CEMIP: variants seen among roughly 807,000 people sequenced by gnomAD.
CEMIP encodes the protein cell migration-inducing and hyaluronan-binding protein.
A neutral mutation model predicts 156.9 loss-of-function variants in CEMIP; 105 were observed. That is an observed-to-expected ratio of 0.67 (90% confidence interval 0.57 to 0.79). CEMIP has a LOEUF of 0.79. Ranked by LOEUF, CEMIP falls within the 30% of genes least tolerant of loss-of-function variation. The pLI, the probability that CEMIP is intolerant of heterozygous loss-of-function variation, is 0.00. For synonymous variants in CEMIP, 676 were observed against 668.4 expected, an observed-to-expected ratio of 1.01 and a Z score of -0.17; for missense variants, 1,457 against 1,769.4, an observed-to-expected ratio of 0.82 and a Z score of 3.17.
intron 1 of CEMIP, among the ~76,000 whole-genome samples, chr15:80,793,490 G>A (rs1334796139): frequency 6.6e-6 from 1 of 152,176 alleles, no homozygotes; most frequent in Admixed American, 6.5e-5. Flanking sequence ...CCACAGGTAG[G>A]GTTACCCACA....
chr15:80,828,237 C>A (rs149131904), intron 1 of CEMIP, among the ~76,000 whole-genome samples: 1 of 151,874 alleles, frequency 6.6e-6, no homozygotes, highest in Non-Finnish European at 1.5e-5. Flanking sequence ...AAAATTAGCC[C>A]GGTGTGGTGG....
chr15:80,898,437 A>G (rs1899321510), intron 12 of CEMIP, among the ~76,000 whole-genome samples: 1 of 152,230 alleles, frequency 6.6e-6, no homozygotes. Context: ...ATTAGGTGCA[A>G]TAATTTAGCA....
chr15:80,924,090 C>G (rs1900569734), intron 17 of CEMIP, among the ~76,000 whole-genome samples: 1 of 152,186 alleles, frequency 6.6e-6, no homozygotes, highest in African/African-American at 2.4e-5. Flanking sequence ...TGATTTCTCC[C>G]TATCCCATGG....
intron 7 of CEMIP, 39 bp from the exon 8 acceptor site, chr15:80,887,655 G>A: frequency 1.3e-6 from 2 of 1,525,744 alleles, no homozygotes; most frequent in Non-Finnish European, 1.8e-6. Context: ...ACAGACTCGT[G>A]CAGAACTTTA....
At chr15:80,862,152 T>A (rs926061281) in intron 1 of CEMIP, among the ~76,000 whole-genome samples, 2 of 152,226 alleles carry the variant, frequency 1.3e-5, no homozygotes, top group African/African-American at 4.8e-5. Flanking sequence ...CGGGTCAACT[T>A]GTCTTTGACG....
intron 1 of CEMIP, among the ~76,000 whole-genome samples, chr15:80,823,390 T>C (rs188814292): frequency 6.6e-6 from 1 of 152,316 alleles, no homozygotes; most frequent in African/African-American, 2.4e-5. Flanking sequence ...GTGAGAGGAA[T>C]CTGCCCTGGC....
At chr15:80,832,322 C>CTCTCTGTGTGTGTGTG (rs1555429057) in intron 1 of CEMIP, among the ~76,000 whole-genome samples, 13 of 128,106 alleles carry the variant, frequency 1.0e-4, no homozygotes, top group Middle Eastern at 4.0e-3. Context: ...AAAATAAACT[C>CTCTCTGTGTGTGTGTG]TGTGTGTGTG....
chr15:80,883,920 A>T (rs973304013), intron 6 of CEMIP, among the ~76,000 whole-genome samples: 17 of 152,238 alleles, frequency 1.1e-4, no homozygotes, highest in African/African-American at 4.1e-4. Flanking sequence ...TCACTGCTGC[A>T]ATCATTTCTT....
chr15:80,807,217 G>T (rs1253451475), intron 1 of CEMIP, among the ~76,000 whole-genome samples: 1 of 149,524 alleles, frequency 6.7e-6, no homozygotes, highest in Non-Finnish European at 1.5e-5. Flanking sequence ...TAGAGACAAA[G>T]TATCTAGAGA....
In CEMIP at chr15:80,821,285, T is replaced by C. The variant is rs1000432923; in HGVS notation, c.-176+41671T>C. On this transcript the variant is annotated intron_variant, in intron 1 of 29. Transcript: ENST00000394685. ...ACCTTAATTTCTGTTTTATTCCTGG[T>C]GGTTTGATCTACCAGTGCTGTCAGT... is the stretch of plus-strand genomic sequence containing the variant. Among the ~76,000 whole-genome samples the C allele has an allele frequency of 4.6e-5, 7 of 152,186 alleles. No individual in the cohort carries two copies. In the East Asian group the frequency reaches 1.3e-3, roughly 29 times the overall value.
chr15:80,921,126 G>T (rs1489030489), intron 16 of CEMIP, 25 bp downstream of exon 16: 1 of 1,607,146 alleles, frequency 6.2e-7, no homozygotes, highest in Non-Finnish European at 8.5e-7. Context: ...TCCTTCTTTG[G>T]CAGAAAGTGA....
At chr15:80,913,319 GCTCT>G (rs1900138146) in intron 14 of CEMIP, among the ~76,000 whole-genome samples, 1 of 152,148 alleles carries the variant, frequency 6.6e-6, no homozygotes, top group Non-Finnish European at 1.5e-5. Flanking sequence ...CTCAACTTTT[GCTCT>G]CTCTGAGCCT....
At chr15:80,874,143 C>T (rs536863130) in intron 3 of CEMIP, among the ~76,000 whole-genome samples, 170 bp downstream of exon 3, 36 of 152,364 alleles carry the variant, frequency 2.4e-4, no homozygotes, top group Admixed American at 2.1e-3. Flanking sequence ...CACGTTTCGT[C>T]CTGGGCTTCA....
In CEMIP at chr15:80,929,187, C is replaced by T. The variant is rs1340729631; in HGVS notation, c.2612+13C>T. On this transcript the variant is annotated intron_variant, in intron 21 of 29. Coordinates refer to ENST00000394685, the MANE Select transcript of CEMIP (RefSeq NM_001293298.2). ...TCCCTATAGGCCAGTAGGTTTGCAA[C>T]CATGTAGCTCCTTATTCTGAGTGGC... The T allele has an allele frequency of 1.2e-6, 2 of 1,614,150 alleles. No individual in the cohort carries two copies. Among genetic ancestry groups the T allele is most frequent in the Non-Finnish European group, 1.7e-6 (2 of 1,180,022 alleles).
At chr15:80,853,705 C>A (rs1897769130) in intron 1 of CEMIP, among the ~76,000 whole-genome samples, 1 of 152,208 alleles carries the variant, frequency 6.6e-6, no homozygotes, top group Admixed American at 6.5e-5. Context: ...GCATTGTTTT[C>A]TCATCTCTCT....
At chr15:80,873,259 T>A (rs974954648) in intron 1 of CEMIP, among the ~76,000 whole-genome samples, 3 of 152,224 alleles carry the variant, frequency 2.0e-5, no homozygotes, top group African/African-American at 4.8e-5. Context: ...ATTAGCTATC[T>A]TTGCTACATC....
At chr15:80,818,292 T>C (rs1303303496) in intron 1 of CEMIP, among the ~76,000 whole-genome samples, 1 of 152,216 alleles carries the variant, frequency 6.6e-6, no homozygotes, top group Non-Finnish European at 1.5e-5. Flanking sequence ...TGGTGGATCA[T>C]ACACTGGCTC....
At chr15:80,884,539 T>A (rs1250594960) in intron 7 of CEMIP, among the ~76,000 whole-genome samples, 185 bp downstream of exon 7, 1 of 152,256 alleles carries the variant, frequency 6.6e-6, no homozygotes, top group Non-Finnish European at 1.5e-5. Context: ...AAAGAATGCT[T>A]GTTTTTTCTT....
rs1232669984 is a variant in CEMIP, at chr15:80,920,244, A to T, written c.1948A>T (p.Met650Leu). 1.2e-6 allele frequency: 2 copies of T among 1,614,218 alleles called. No individual in the cohort carries two copies. Among genetic ancestry groups the T allele is most frequent in the African/African-American group, 2.7e-5 (2 of 75,052 alleles). Residue 650 changes from methionine (M) to leucine (L), a missense_variant, in exon 15 of 30, where the codon ATG becomes TTG. Met to Leu is a conservative substitution (Grantham distance 15). Transcript: ENST00000394685. Reference sequence around the variant, plus strand: ...GGACCGTGACAGCAAGATGTGCAAGATGATCACAGAGGACTCCTACCCGGG... The same window carrying T: ...GGACCGTGACAGCAAGATGTGCAAGTTGATCACAGAGGACTCCTACCCGGG... Reference protein sequence around the residue: ...PSDRDSKMCKMITEDSYPGYI... With the variant: ...PSDRDSKMCKLITEDSYPGYI...
Sources: allele counts gnomAD v4.1 joint callset (sites outside exome capture counted in the v4.1 genomes callset), GRCh38; gene constraint gnomAD v4.1.1; transcripts MANE v1.5; gene names NCBI Gene and HGNC (gene_info 2026-07-23, HGNC 2026-07-21).